FAM169A: variants seen among roughly 807,000 people sequenced by gnomAD.
FAM169A encodes soluble lamin-associated protein of 75 kDa.
In FAM169A, 24 loss-of-function variants were observed where a neutral mutation model predicts 75.7. The ratio of observed to expected loss-of-function variants is 0.32; its 90% CI spans 0.23 to 0.45. FAM169A has a LOEUF of 0.45. FAM169A is among the 20% of genes least tolerant of loss of function. The pLI, the probability that FAM169A is intolerant of heterozygous loss-of-function variation, is 1.00. For synonymous variants in FAM169A, 271 were observed against 271.0 expected (o/e 1.00, Z 0.00); for missense variants, 673 against 784.0 (o/e 0.86, Z 1.69).
At chr5:74,851,205 G>A (rs1229434936) in intron 1 of FAM169A, among the ~76,000 whole-genome samples, 1 of 152,168 alleles carries the variant, frequency 6.6e-6, no homozygotes, top group Non-Finnish European at 1.5e-5. Flanking sequence ...GGAAACACAA[G>A]AGAAGAAAGT....
At chr5:74,788,990 A>G (rs1239365589) in intron 11 of FAM169A, among the ~76,000 whole-genome samples, 1 of 152,212 alleles carries the variant, frequency 6.6e-6, no homozygotes, top group African/African-American at 2.4e-5. Context: ...TATGCAGCCA[A>G]TGATTTGCCA....
intron 6 of FAM169A, among the ~76,000 whole-genome samples, chr5:74,808,640 CAAAAAATGGTTT>C (rs1747013241): frequency 6.6e-6 from 1 of 151,916 alleles, no homozygotes; most frequent in Non-Finnish European, 1.5e-5. Context: ...TTTTTTACAA[CAAAAAATGGTTT>C]AAAAACTAAG....
At chr5:74,815,017 T>A (rs1747396171) in intron 5 of FAM169A, among the ~76,000 whole-genome samples, 1 of 152,206 alleles carries the variant, frequency 6.6e-6, no homozygotes, top group Non-Finnish European at 1.5e-5. Context: ...TATCATTTAA[T>A]GAGCTGATCA....
intron 1 of FAM169A, among the ~76,000 whole-genome samples, chr5:74,863,023 T>TAA (rs10634527): frequency 0.14 from 17,989 of 125,938 alleles, 1,403 homozygotes; most frequent in African/African-American, 0.23. Flanking sequence ...TGTATTCATT[T>TAA]AAAAAAAAAA....
intron 1 of FAM169A, among the ~76,000 whole-genome samples, chr5:74,861,852 A>G (rs1352386176): frequency 6.6e-6 from 1 of 152,208 alleles, no homozygotes; most frequent in Non-Finnish European, 1.5e-5. Context: ...ACGTCAGCCA[A>G]TGAGCTTTAT....
chr5:74,799,193 T>C, intron 10 of FAM169A: 3 of 1,214,046 alleles, frequency 2.5e-6, no homozygotes, highest in Non-Finnish European at 3.7e-6. Context: ...CATGACCACA[T>C]CGTCACTTGT....
chr5:74,781,468 G>A lies in FAM169A; in HGVS notation c.2005C>T (p.Leu669=). The stretch of plus-strand genomic sequence containing the variant: ...TCCACTTTCTTCTTCCTTCAGGTCA[G>A]CTTAGCTTTCTTCTTAGCAGGTCCT... ...HKGPAKKKAK[L]T is the part of the protein sequence containing the mutation. The change falls in exon 13 of 13, where the codon CTG becomes TTG. Residue 669 remains leucine, a synonymous_variant. Coordinates refer to ENST00000687041, the MANE Select transcript of FAM169A (RefSeq NM_001376049.1). The A allele has an allele frequency of 6.2e-7, 1 of 1,613,252 alleles. No individual in the cohort carries two copies. The highest frequency in any genetic ancestry group is 8.5e-7 in the Non-Finnish European group (1 of 1,179,508).
chr5:74,843,272 G>GGTAC (rs373647586), intron 1 of FAM169A, among the ~76,000 whole-genome samples: 12 of 152,138 alleles, frequency 7.9e-5, no homozygotes, highest in African/African-American at 2.6e-4. Flanking sequence ...GCATCATAAA[G>GGTAC]GTACTGGATC....
chr5:74,786,088 C>T (rs1745681896), intron 11 of FAM169A, among the ~76,000 whole-genome samples: 1 of 152,178 alleles, frequency 6.6e-6, no homozygotes, highest in African/African-American at 2.4e-5. Flanking sequence ...ATTAGACCAG[C>T]TTAGCCTCCC....
At chr5:74,866,695 T>G (rs554427003), upstream of FAM169A, 2 of 953,306 alleles carry the variant, frequency 2.1e-6, no homozygotes, top group African/African-American at 3.5e-5. Flanking sequence ...TAAAAATAGA[T>G]GCGGTTAAGC....
intron 1 of FAM169A, among the ~76,000 whole-genome samples, chr5:74,851,412 A>G (rs1749439276): frequency 6.6e-6 from 1 of 152,234 alleles, no homozygotes; most frequent in African/African-American, 2.4e-5. Context: ...AAACTCATAA[A>G]GTTATTTCAA....
chr5:74,810,554 C>T (rs1171916417), intron 6 of FAM169A, among the ~76,000 whole-genome samples: 1 of 151,708 alleles, frequency 6.6e-6, no homozygotes, highest in Non-Finnish European at 1.5e-5. Flanking sequence ...TCGAGACCAT[C>T]CTGGCTAACA....
At chr5:74,805,990 AAAAG>A (rs1347480295) in intron 6 of FAM169A, among the ~76,000 whole-genome samples, 1 of 151,548 alleles carries the variant, frequency 6.6e-6, no homozygotes, top group South Asian at 2.1e-4. Flanking sequence ...AAAAAAAAAA[AAAAG>A]AAATAATATT....
In FAM169A at chr5:74,866,282, C is replaced by CGCGGCTGCCAGGGCGAGT. The variant is rs1178160193; in HGVS notation, c.-139_-122dup. ...CCGGCCGGTCCCAGGCCGCACAGCT[C>CGCGGCTGCCAGGGCGAGT]GCGGCTGCCAGGGCGAGTGCGGCTG... is the stretch of plus-strand genomic sequence containing the variant. On this transcript the variant is annotated 5_prime_UTR_variant, in exon 1 of 13. Coordinates refer to ENST00000687041, the MANE Select transcript of FAM169A (RefSeq NM_001376049.1). The CGCGGCTGCCAGGGCGAGT allele has an allele frequency of 1.6e-5, 16 of 984,078 alleles. No individual in the cohort carries two copies. The highest frequency in any genetic ancestry group is 1.4e-4 in the South Asian group (3 of 21,294). 61.0% of individuals were successfully genotyped at this position (984,078 alleles called of 1,614,324 possible).
intron 6 of FAM169A, among the ~76,000 whole-genome samples, chr5:74,807,843 G>A (rs1472960368): frequency 2.0e-5 from 3 of 152,164 alleles, no homozygotes; most frequent in Admixed American, 1.3e-4. Context: ...ATAAGGCTAG[G>A]CACAGCGGCT....
chr5:74,794,861 A>T (rs1053782517), intron 11 of FAM169A, among the ~76,000 whole-genome samples: 2 of 151,678 alleles, frequency 1.3e-5, no homozygotes, highest in African/African-American at 4.8e-5. Flanking sequence ...AGGCAGAGGC[A>T]GGAGAATTGC....
chr5:74,843,205 C>T (rs1748975426), intron 1 of FAM169A, among the ~76,000 whole-genome samples: 1 of 152,106 alleles, frequency 6.6e-6, no homozygotes, highest in African/African-American at 2.4e-5. Context: ...AACTACAAAA[C>T]ATTCCTGAAA....
In FAM169A at chr5:74,778,453, TGTAG is replaced by T. The variant is rs1234073337; in HGVS notation, c.*3003_*3006del. 1 of 151,958 alleles carries T rather than the reference TGTAG, an allele frequency of 6.6e-6. No homozygotes were observed. The highest frequency in any genetic ancestry group is 1.5e-5 in the Non-Finnish European group (1 of 67,886). 9.4% of individuals were successfully genotyped at this position (151,958 alleles called of 1,614,324 possible). The stretch of plus-strand genomic sequence containing the variant: ...AGATTTCTAGTCACTGAAACCCCAT[TGTAG>T]GTAGTGTTCTGGAGTCTGCTATAAG... On this transcript the variant is annotated 3_prime_UTR_variant, in exon 13 of 13. Coordinates refer to ENST00000687041, the MANE Select transcript of FAM169A (RefSeq NM_001376049.1).
rs757562138 is a variant in FAM169A at position 74,800,929 on chromosome 5, C to T, written c.1054G>A (p.Gly352Ser). ...GTCTGGGAGGTCTTTTCATCTTCAC[C>T]TTGAGAACTGCTAAATTCAGAATCC... is the stretch of plus-strand genomic sequence containing the variant. ...FQDSEFSSSQ[G>S]EDEKTSQTSL... The change falls in exon 10 of 13, where the codon GGT becomes AGT. Residue 352 changes from glycine (G) to serine (S), a missense_variant. Physicochemically the swap from Gly to Ser is moderately conservative, Grantham distance 56. Transcript: ENST00000687041. 1 of 1,550,654 alleles carries T rather than the reference C, an allele frequency of 6.4e-7. No homozygotes were observed. Among genetic ancestry groups the T allele is most frequent in the South Asian group, 1.2e-5 (1 of 81,478 alleles).
Sources: allele counts gnomAD v4.1 joint callset (sites outside exome capture counted in the v4.1 genomes callset), GRCh38; gene constraint gnomAD v4.1.1; transcripts MANE v1.5; gene names NCBI Gene and HGNC (gene_info 2026-07-23, HGNC 2026-07-21).